NEBL: variants seen among roughly 807,000 people sequenced by gnomAD.
NEBL encodes LIM and SH3 protein 2.
A neutral mutation model predicts 140.2 loss-of-function variants in NEBL; 122 were observed. The observed-to-expected ratio is 0.87, with a 90% CI of 0.75 to 1.01. The LOEUF (loss-of-function observed/expected upper bound fraction) is 1.01, where lower values mean the gene tolerates loss of function less well. Among genes scored for constraint, NEBL ranks in the 50% least tolerant of loss-of-function variants. The probability of loss-of-function intolerance (pLI) is 0.00; values close to 1 mark genes in which losing one functional copy is unlikely to be tolerated. For synonymous variants in NEBL, 436 were observed against 398.9 expected (o/e 1.09, Z -1.11); for missense variants, 1,365 against 1,231.3 (o/e 1.11, Z -1.62).
At chr10:21,026,763 G>C (rs553917452) in intron 2 of NEBL, among the ~76,000 whole-genome samples, 2 of 152,192 alleles carry the variant, frequency 1.3e-5, no homozygotes, top group African/African-American at 4.8e-5. Context: ...CATTTGAAAG[G>C]CCTGCTTAGA....
intron 2 of NEBL, among the ~76,000 whole-genome samples, chr10:21,162,634 C>A (rs1463879756): frequency 2.0e-5 from 3 of 152,210 alleles, no homozygotes; most frequent in Non-Finnish European, 4.4e-5. Context: ...TCACCTCCCA[C>A]TCCAGGCTGA....
intron 3 of NEBL, among the ~76,000 whole-genome samples, chr10:21,188,281 G>C: frequency 6.6e-6 from 1 of 152,086 alleles, no homozygotes; most frequent in Admixed American, 6.6e-5. Context: ...ATCAGAAATC[G>C]GAAGTTGTCG....
intron 1 of NEBL, among the ~76,000 whole-genome samples, chr10:21,253,541 T>C (rs1208898080): frequency 2.7e-5 from 1 of 36,804 alleles, no homozygotes; most frequent in African/African-American, 3.9e-4. Flanking sequence ...TTTAAACCTC[T>C]TTTTTTTTTT....
At chr10:21,033,899 C>G (rs192719221) in intron 2 of NEBL, among the ~76,000 whole-genome samples, 15 of 152,102 alleles carry the variant, frequency 9.9e-5, no homozygotes, top group African/African-American at 3.1e-4. Context: ...GGCACAGTGG[C>G]TCACGCTGGT....
At chr10:21,051,906 G>C (rs1423761301) in intron 2 of NEBL, among the ~76,000 whole-genome samples, 1 of 152,080 alleles carries the variant, frequency 6.6e-6, no homozygotes, top group Non-Finnish European at 1.5e-5. Flanking sequence ...GTGGTGGTGT[G>C]CTGGCCTGTA....
At position 20,852,500 on chromosome 10, in the gene NEBL, G is replaced by A. The variant is rs371793018; in HGVS notation, c.1008+45C>T. 9.9e-4 allele frequency: 1,343 copies of A among 1,351,918 alleles called. 2 individuals carry two copies. Among genetic ancestry groups the A allele is most frequent in the Non-Finnish European group, 1.3e-3 (1,194 of 948,516 alleles). The allele number at this position is 1,351,918 out of a possible 1,614,324, so 83.7% of individuals were successfully genotyped here. On this transcript the variant is annotated intron_variant, in intron 10 of 27. Coordinates refer to ENST00000377122, the MANE Select transcript of NEBL (RefSeq NM_006393.3). ...GAGCGGCGGGCCTCAGGATGGTTAC[G>A]GGTTGCTGGCAGGGAGGGTAGGTAC... is the stretch of plus-strand genomic sequence containing the variant.
chr10:21,233,609 CATAT>C (rs1173584889), intron 3 of NEBL, among the ~76,000 whole-genome samples: 1 of 142,924 alleles, frequency 7.0e-6, no homozygotes, highest in African/African-American at 2.6e-5. Context: ...TCTATATATA[CATAT>C]ATAGATATAT....
At chr10:21,275,315 G>A (rs1306073005) in intron 1 of NEBL, among the ~76,000 whole-genome samples, 2 of 152,130 alleles carry the variant, frequency 1.3e-5, no homozygotes, top group African/African-American at 2.4e-5. Flanking sequence ...TCCTATGGGC[G>A]TTTTCTGTCT....
At chr10:20,812,976 G>A in intron 23 of NEBL, 36 bp from the exon 24 acceptor site, 1 of 1,554,902 alleles carries the variant, frequency 6.4e-7, no homozygotes, top group Non-Finnish European at 8.9e-7. Context: ...GAATTTTGCG[G>A]ATAGTTACCT....
rs56366013 is a variant in NEBL, at chr10:21,113,290, T to TAAAAAAAAA, written c.164+59084_164+59092dup. On this transcript the variant is annotated intron_variant, in intron 2 of 6. Coordinates refer to the NEBL transcript ENST00000417816. ...ACCAAGATCAAAAGGATGAGAATCC[T>TAAAAAAAAA]AAAAAAAAAAAAAAAACCAGGAAAA... 2.1e-3 allele frequency: 261 copies of TAAAAAAAAA among 123,932 alleles called. 6 individuals carry two copies. The East Asian group carries it at 0.033, about 16-fold the overall frequency. The allele number at this position is 123,932 out of a possible 1,614,324, so 7.7% of individuals were successfully genotyped here.
rs1371680181 is a variant in NEBL, at chr10:20,831,649, T to G, written c.1450-66A>C. On this transcript the variant is annotated intron_variant, in intron 14 of 27. Transcript: ENST00000377122. ...TTGAGAAACTGCTCAAAAATCGAGATGTCATTTTGACATTAAGACCATGTC... is the reference window on the plus strand; with the variant it reads ...TTGAGAAACTGCTCAAAAATCGAGAGGTCATTTTGACATTAAGACCATGTC... 4.1e-5 allele frequency: 43 copies of G among 1,040,292 alleles called. No individual in the cohort carries two copies. The Admixed American group carries it at 5.8e-4, about 14-fold the overall frequency. The allele number at this position is 1,040,292 out of a possible 1,614,324, so 64.4% of individuals were successfully genotyped here.
At chr10:20,819,656 T>C (rs1370648695) in intron 19 of NEBL, 140 bp from the exon 20 acceptor site, 3 of 1,051,330 alleles carry the variant, frequency 2.9e-6, no homozygotes, top group Non-Finnish European at 4.3e-6. Flanking sequence ...TAGTGAAATA[T>C]GTATTGCTTA....
intron 2 of NEBL, among the ~76,000 whole-genome samples, chr10:21,072,745 C>G (rs371399435): frequency 6.6e-6 from 1 of 152,192 alleles, no homozygotes; most frequent in Non-Finnish European, 1.5e-5. Flanking sequence ...AATCCCAGTA[C>G]TTTGGGAGGC....
chr10:20,926,577 T>C lies in NEBL; in HGVS notation c.357+35095A>G, dbSNP rs45559637. Among the ~76,000 whole-genome samples the C allele has an allele frequency of 4.7e-3, 723 of 152,332 alleles. 3 individuals are homozygous for C. Among genetic ancestry groups the C allele is most frequent in the Non-Finnish European group, 8.1e-3 (550 of 68,028 alleles). ...AGGATTTCTATCACATTCTATTCCT[T>C]AGGGGCATATTACTATAGGACTTAT... is the stretch of plus-strand genomic sequence containing the variant. On this transcript the variant is annotated intron_variant, in intron 4 of 6. Transcript: ENST00000417816.
intron 3 of NEBL, among the ~76,000 whole-genome samples, chr10:20,980,438 A>G (rs1283996413): frequency 6.6e-6 from 1 of 152,238 alleles, no homozygotes; most frequent in Non-Finnish European, 1.5e-5. Flanking sequence ...AGACACTGAA[A>G]GAAAAGTAGA....
intron 4 of NEBL, among the ~76,000 whole-genome samples, chr10:20,937,565 C>T (rs1049875279): frequency 3.9e-5 from 6 of 152,124 alleles, no homozygotes; most frequent in Non-Finnish European, 7.3e-5. Context: ...CTGGGTTCAT[C>T]TCACTGGGGA....
intron 13 of NEBL, among the ~76,000 whole-genome samples, chr10:20,837,073 A>G (rs1046357780): frequency 3.9e-5 from 6 of 152,152 alleles, no homozygotes; most frequent in African/African-American, 1.4e-4. Context: ...TAGTAACCCT[A>G]CAATGGCCCC....
intron 2 of NEBL, chr10:21,113,047 G>C (rs1838107812): frequency 4.7e-6 from 1 of 210,972 alleles, no homozygotes; most frequent in African/African-American, 2.4e-5. Flanking sequence ...AGAGGGAGGG[G>C]GAGCAGGAGG....
At chr10:21,068,781 C>T (rs747647623) in intron 2 of NEBL, among the ~76,000 whole-genome samples, 13 of 152,208 alleles carry the variant, frequency 8.5e-5, no homozygotes, top group Non-Finnish European at 1.3e-4. Context: ...TCTAAATAGT[C>T]TAATTACCTA....
Sources: allele counts gnomAD v4.1 joint callset (sites outside exome capture counted in the v4.1 genomes callset), GRCh38; gene constraint gnomAD v4.1.1; transcripts MANE v1.5; gene names NCBI Gene and HGNC (gene_info 2026-07-23, HGNC 2026-07-21).